Variants in NRXN1 observed in about 807,000 individuals in gnomAD.
NRXN1 encodes neurexin-1.
In NRXN1, 39 loss-of-function variants were observed where a neutral mutation model predicts 150.9. The ratio of observed to expected loss-of-function variants is 0.26; its 90% confidence interval spans 0.20 to 0.34. The LOEUF is 0.34. NRXN1 is among the 10% of genes least tolerant of loss of function. NRXN1 has a pLI of 1.00. For missense variants in NRXN1, 1,815 were observed against 1,949.9 expected (o/e 0.93, Z 1.30); for synonymous variants, 924 against 757.0 (o/e 1.22, Z -3.62).
chr2:50,499,947 CAAA>C lies in NRXN1; in HGVS notation c.2498-2236_2498-2234del, dbSNP rs34753485. Among the ~76,000 whole-genome samples the C allele has an allele frequency of 6.8e-5, 6 of 87,710 alleles. No homozygotes were observed. In the South Asian group the frequency reaches 1.3e-3, roughly 19 times the overall value. 57.5% of individuals were successfully genotyped at this position (87,710 alleles called of 152,430 possible). ...TGGGCAACAGAGCAAGACTCCATCTCAAAAAAAAAAAAAAAAAAAGTCATATGG... is the reference window on the plus strand; with the variant it reads ...TGGGCAACAGAGCAAGACTCCATCTCAAAAAAAAAAAAAAAAGTCATATGG... On this transcript the variant is annotated intron_variant, in intron 13 of 22. Transcript: ENST00000401669.
intron 15 of NRXN1, among the ~76,000 whole-genome samples, chr2:50,480,266 G>A (rs114706621): frequency 0.035 from 5,311 of 152,254 alleles, 123 homozygotes; most frequent in Middle Eastern, 0.054. Context: ...AAACAGTTTG[G>A]AGTATCAGTG....
chr2:50,985,809 A>G (rs1463902600), intron 2 of NRXN1, among the ~76,000 whole-genome samples: 1 of 151,728 alleles, frequency 6.6e-6, no homozygotes, highest in Non-Finnish European at 1.5e-5. Flanking sequence ...TGAAAACAAA[A>G]CTTCAAAATG....
chr2:50,252,796 G>C (rs557294432), intron 17 of NRXN1, among the ~76,000 whole-genome samples: 1 of 152,068 alleles, frequency 6.6e-6, no homozygotes, highest in East Asian at 1.9e-4. Context: ...TGTGTGCCAT[G>C]CTGTTTGGTT....
At chr2:50,857,312 G>A (rs957457172) in intron 5 of NRXN1, among the ~76,000 whole-genome samples, 2 of 152,008 alleles carry the variant, frequency 1.3e-5, no homozygotes, top group African/African-American at 4.8e-5. Flanking sequence ...TGGGGGAAAT[G>A]GTGAAGGGTC....
intron 5 of NRXN1, among the ~76,000 whole-genome samples, chr2:50,739,496 T>A (rs1194060717): frequency 1.3e-5 from 2 of 152,152 alleles, no homozygotes; most frequent in African/African-American, 4.8e-5. Context: ...AATGAACTTG[T>A]TTGTATGTGT....
rs140405598 is a variant in NRXN1, at chr2:50,493,238, T to C, written c.3070+2667A>G. On this transcript the variant is annotated intron_variant, in intron 15 of 22. Coordinates refer to ENST00000401669, the MANE Select transcript of NRXN1 (RefSeq NM_001330078.2). The stretch of plus-strand genomic sequence containing the variant: ...CTGCTGTCCATGTCTGAGCGAAGAG[T>C]TCATGTAGAAGTTCTCCTTTATGAA... Among the ~76,000 whole-genome samples, 32 of 152,168 alleles carry C rather than the reference T, an allele frequency of 2.1e-4. No homozygotes were observed. In the East Asian group the frequency reaches 6.0e-3, roughly 28 times the overall value.
At chr2:50,178,267 C>A (rs980891220) in intron 18 of NRXN1, among the ~76,000 whole-genome samples, 1 of 152,022 alleles carries the variant, frequency 6.6e-6, no homozygotes, top group Non-Finnish European at 1.5e-5. Context: ...GATGGCACTG[C>A]ACAAGAGAAT....
At chr2:50,677,818 C>A (rs1246025780) in intron 5 of NRXN1, among the ~76,000 whole-genome samples, 1 of 152,032 alleles carries the variant, frequency 6.6e-6, no homozygotes, top group African/African-American at 2.4e-5. Flanking sequence ...ATTTCCAAAC[C>A]CATTCCTACT....
At chr2:51,020,154 C>T (rs1423008015) in intron 2 of NRXN1, among the ~76,000 whole-genome samples, 1 of 151,616 alleles carries the variant, frequency 6.6e-6, no homozygotes, top group Admixed American at 6.6e-5. Flanking sequence ...AACCACCACC[C>T]ATATCATGCC....
Position 50,585,435 on chromosome 2 carries a change from T to C in NRXN1, c.1321-32410A>G, listed in dbSNP as rs114140113. On this transcript the variant is annotated intron_variant, in intron 8 of 22. Transcript: ENST00000401669. The stretch of plus-strand genomic sequence containing the variant: ...TCAGTTTTGCAAGATGAAAAAGTTT[T>C]GGATATCTGTTGCTCAACAATGTGA... Among the ~76,000 whole-genome samples the C allele has an allele frequency of 9.1e-3, 1,386 of 152,292 alleles. 20 individuals are homozygous for C. The highest frequency in any genetic ancestry group is 0.032 in the African/African-American group (1,311 of 41,574).
chr2:50,285,944 T>C (rs745926496), intron 17 of NRXN1, among the ~76,000 whole-genome samples: 7 of 152,064 alleles, frequency 4.6e-5, no homozygotes, highest in East Asian at 1.9e-4. Flanking sequence ...TAGAGAATAA[T>C]AGAAAATTTT....
In NRXN1 at chr2:50,086,463, A is replaced by G. The variant is rs193173759; in HGVS notation, c.3718+4860T>C. The stretch of plus-strand genomic sequence containing the variant: ...ACGAGAAAAGATTTACACCATCTCT[A>G]TGGAGTCTTAGAGCATTTCTCTCTT... On this transcript the variant is annotated intron_variant, in intron 19 of 22. Transcript: ENST00000401669. 1.0e-3 allele frequency among the ~76,000 whole-genome samples: 154 copies of G among 152,252 alleles called. 1 individual carries two copies. The highest frequency in any genetic ancestry group is 2.7e-3 in the Admixed American group (42 of 15,280).
At chr2:50,666,879 ATGTG>A (rs34096569) in intron 5 of NRXN1, among the ~76,000 whole-genome samples, 106 of 107,860 alleles carry the variant, frequency 9.8e-4, no homozygotes, top group African/African-American at 1.9e-3. Flanking sequence ...GATGATGATG[ATGTG>A]TGTGTGTGTG....
At chr2:50,964,278 T>A (rs1693693804) in intron 2 of NRXN1, among the ~76,000 whole-genome samples, 1 of 151,464 alleles carries the variant, frequency 6.6e-6, no homozygotes, top group South Asian at 2.1e-4. Context: ...TTCTTGGCAA[T>A]GGGAAAACTA....
intron 17 of NRXN1, among the ~76,000 whole-genome samples, chr2:50,249,551 T>G (rs1025932821): frequency 3.9e-5 from 6 of 152,126 alleles, no homozygotes; most frequent in African/African-American, 1.4e-4. Context: ...TGCTAGATCC[T>G]GATGATGATA....
At chr2:51,007,678 T>C (rs1667239385) in intron 2 of NRXN1, among the ~76,000 whole-genome samples, 1 of 151,908 alleles carries the variant, frequency 6.6e-6, no homozygotes, top group Admixed American at 6.6e-5. Flanking sequence ...GGATGCACTT[T>C]TACATGAATG....
intron 17 of NRXN1, among the ~76,000 whole-genome samples, chr2:50,451,249 G>C (rs753277949): frequency 6.6e-6 from 1 of 152,162 alleles, no homozygotes; most frequent in African/African-American, 2.4e-5. Context: ...TATTACAGGC[G>C]TGAGTCACCA....
rs1372178426 is a variant in NRXN1 at position 50,118,542 on chromosome 2, A to G, written c.3547-27048T>C. On this transcript the variant is annotated intron_variant, in intron 18 of 22. Coordinates refer to ENST00000401669, the MANE Select transcript of NRXN1 (RefSeq NM_001330078.2). The stretch of plus-strand genomic sequence containing the variant: ...TTTCAGCTAGAGGAAGATTATAACA[A>G]AAGAGTATTTCTCCAAAATAAAGTT... 2.0e-5 allele frequency among the ~76,000 whole-genome samples: 3 copies of G among 152,176 alleles called. No individual in the cohort carries two copies. The East Asian group carries it at 5.8e-4, about 29-fold the overall frequency.
chr2:50,217,327 T>A (rs2063470517), intron 18 of NRXN1, among the ~76,000 whole-genome samples: 1 of 152,046 alleles, frequency 6.6e-6, no homozygotes, highest in African/African-American at 2.4e-5. Flanking sequence ...GAACAGGATG[T>A]TCAACATGCA....
Sources: allele counts gnomAD v4.1 joint callset (sites outside exome capture counted in the v4.1 genomes callset), GRCh38; gene constraint gnomAD v4.1.1; transcripts MANE v1.5; gene names NCBI Gene and HGNC (gene_info 2026-07-23, HGNC 2026-07-21).